Variants in CHD9 observed in about 807,000 individuals in gnomAD.
CHD9 encodes the protein ATP-dependent chromatin remodeler CHD9.
Under a neutral mutation model 316.1 loss-of-function variants are expected in CHD9, and 77 were observed. The ratio of observed to expected loss-of-function variants is 0.24; its 90% CI spans 0.20 to 0.29. The LOEUF is 0.29. Ranked by LOEUF, CHD9 falls within the 10% of genes least tolerant of loss-of-function variation. The probability of loss-of-function intolerance (pLI) is 1.00; values close to 1 mark genes in which losing one functional copy is unlikely to be tolerated. For missense variants in CHD9, 2,763 were observed against 3,438.1 expected, an observed-to-expected ratio of 0.80 and a Z score of 4.91; for synonymous variants, 1,129 against 1,158.3, an observed-to-expected ratio of 0.97 and a Z score of 0.51.
At position 53,313,885 on chromosome 16, in the gene CHD9, G is replaced by A. The variant is rs565088594; in HGVS notation, c.7223-492G>A. Among the ~76,000 whole-genome samples, 67 of 151,630 alleles carry A rather than the reference G, an allele frequency of 4.4e-4. No individual in the cohort carries two copies. The South Asian group carries it at 0.011, about 24-fold the overall frequency. ...GGAGAATAGCATGAACCCAGGGGGC[G>A]GAGCTTGCAGTGAGCCAAGATCGTG... On this transcript the variant is annotated intron_variant, in intron 34 of 38. Coordinates refer to ENST00000447540, the MANE Select transcript of CHD9 (RefSeq NM_001308319.2).
At chr16:53,115,197 G>A (rs998709048) in intron 1 of CHD9, among the ~76,000 whole-genome samples, 2 of 152,168 alleles carry the variant, frequency 1.3e-5, no homozygotes, top group African/African-American at 4.8e-5. Flanking sequence ...AGAATGATCC[G>A]AAGAACAGCT....
intron 1 of CHD9, among the ~76,000 whole-genome samples, chr16:53,111,096 A>G (rs1439430158): frequency 6.6e-6 from 1 of 152,296 alleles, no homozygotes; most frequent in South Asian, 2.1e-4. Flanking sequence ...TGCTGAAGTG[A>G]GACTCATAGG....
At chr16:53,235,140 A>G in intron 10 of CHD9, 45 bp from the exon 11 acceptor site, 7 of 1,515,430 alleles carry the variant, frequency 4.6e-6, no homozygotes, top group Non-Finnish European at 6.2e-6. Flanking sequence ...TCAGTATGAT[A>G]TATGGAAGAT....
Position 53,274,202 on chromosome 16 carries a change from C to G in CHD9, c.4878-11C>G. ...TCTTTATGCCTTTGATTTATTTTCC[C>G]TTGTTTTTAGGGTTTTGCTTCGTGT... On this transcript the variant is annotated splice_polypyrimidine_tract_variant and intron_variant, in intron 23 of 38. Coordinates refer to ENST00000447540, the MANE Select transcript of CHD9 (RefSeq NM_001308319.2). 1.3e-6 allele frequency: 2 copies of G among 1,558,470 alleles called. No individual in the cohort carries two copies. Among genetic ancestry groups the G allele is most frequent in the Non-Finnish European group, 8.8e-7 (1 of 1,133,850 alleles).
intron 24 of CHD9, among the ~76,000 whole-genome samples, chr16:53,285,308 T>TA (rs1330397361): frequency 3.3e-5 from 5 of 152,200 alleles, no homozygotes; most frequent in African/African-American, 4.8e-5. Context: ...CCTTTGTCTC[T>TA]AAATAAAGAA....
chr16:53,208,391 G>A (rs1337728061), intron 2 of CHD9: 3 of 1,274,672 alleles, frequency 2.4e-6, no homozygotes, highest in African/African-American at 3.1e-5. Flanking sequence ...GGGTTCTTTG[G>A]GCTAAAAGGC....
At chr16:53,130,383 A>G (rs2039170043) in intron 1 of CHD9, among the ~76,000 whole-genome samples, 1 of 151,954 alleles carries the variant, frequency 6.6e-6, no homozygotes, top group Non-Finnish European at 1.5e-5. Flanking sequence ...GCTGCCCGAG[A>G]GATGCCCTGC....
chr16:53,166,912 A>G (rs1460200228), intron 2 of CHD9, among the ~76,000 whole-genome samples: 1 of 152,144 alleles, frequency 6.6e-6, no homozygotes, highest in Admixed American at 6.5e-5. Context: ...TGACCATTTC[A>G]TGGGTTCATA....
At chr16:53,228,630 C>T (rs898693080) in intron 7 of CHD9, among the ~76,000 whole-genome samples, 1 of 147,584 alleles carries the variant, frequency 6.8e-6, no homozygotes, top group African/African-American at 2.5e-5. Flanking sequence ...TCACTGCAAG[C>T]TCGAAAGCGT....
intron 1 of CHD9, among the ~76,000 whole-genome samples, chr16:53,103,980 G>A (rs1453197461): frequency 1.3e-5 from 2 of 152,096 alleles, no homozygotes; most frequent in Non-Finnish European, 2.9e-5. Flanking sequence ...TTCCCTTCTC[G>A]CCAAAGCATT....
chr16:53,160,071 G>T (rs1165913929), intron 2 of CHD9, among the ~76,000 whole-genome samples: 1 of 152,164 alleles, frequency 6.6e-6, no homozygotes, highest in Non-Finnish European at 1.5e-5. Flanking sequence ...ACTGGAGGAA[G>T]ATCAAGCATC....
At chr16:53,215,452 C>G (rs1436281446) in intron 3 of CHD9, among the ~76,000 whole-genome samples, 2 of 152,088 alleles carry the variant, frequency 1.3e-5, no homozygotes, top group African/African-American at 4.8e-5. Flanking sequence ...CCTTTTAATA[C>G]ATGCTTGTTT....
chr16:53,220,657 G>A (rs1196971222), intron 3 of CHD9, among the ~76,000 whole-genome samples: 1 of 152,114 alleles, frequency 6.6e-6, no homozygotes, highest in Non-Finnish European at 1.5e-5. Context: ...TGCCAGTGAT[G>A]AACAAGACAG....
chr16:53,168,182 C>T (rs1045670027), intron 2 of CHD9, among the ~76,000 whole-genome samples: 2 of 152,030 alleles, frequency 1.3e-5, no homozygotes, highest in African/African-American at 4.8e-5. Flanking sequence ...CTGTCTCAGC[C>T]TCCCAAGTAG....
chr16:53,313,652 T>C (rs1055217086), intron 34 of CHD9, among the ~76,000 whole-genome samples: 1 of 151,876 alleles, frequency 6.6e-6, no homozygotes, highest in Non-Finnish European at 1.5e-5. Context: ...TTTTTAAGTT[T>C]AGAAAAATCT....
At chr16:53,091,743 A>G (rs1297688804) in intron 1 of CHD9, among the ~76,000 whole-genome samples, 1 of 152,224 alleles carries the variant, frequency 6.6e-6, no homozygotes, top group African/African-American at 2.4e-5. Flanking sequence ...CCTGGTGGGC[A>G]GCATCTGTTC....
chr16:53,216,333 T>C (rs754341161), intron 3 of CHD9, among the ~76,000 whole-genome samples: 6 of 152,300 alleles, frequency 3.9e-5, no homozygotes, highest in South Asian at 2.1e-4. Flanking sequence ...TCTGTTGTCA[T>C]TGTATACATA....
chr16:53,211,727 G>A (rs1365923376), intron 3 of CHD9, among the ~76,000 whole-genome samples: 9 of 135,582 alleles, frequency 6.6e-5, no homozygotes, highest in East Asian at 2.1e-4. Context: ...GAGTAAAACA[G>A]TGTCAATCAT....
chr16:53,069,299 C>T (rs2033799298), intron 1 of CHD9, among the ~76,000 whole-genome samples: 1 of 152,212 alleles, frequency 6.6e-6, no homozygotes, highest in African/African-American at 2.4e-5. Context: ...CCACCGCGCC[C>T]AGCCTGCATT....
Sources: gnomAD v4.1 joint callset for allele counts (sites outside exome capture counted in the v4.1 genomes callset) on GRCh38, gnomAD v4.1.1 for gene constraint, MANE v1.5 for transcripts, NCBI Gene and HGNC (gene_info 2026-07-23, HGNC 2026-07-21) for gene names.